PRKG2: variants seen among roughly 807,000 people sequenced by gnomAD.
PRKG2 encodes the protein cGMP-dependent protein kinase 2.
PRKG2 carries 33 observed loss-of-function variants against 97.2 expected under a neutral mutation model. That is an observed-to-expected ratio of 0.34 (90% confidence interval 0.26 to 0.45). The LOEUF is 0.45. Among genes scored for constraint, PRKG2 ranks in the 20% least tolerant of loss-of-function variants. PRKG2 has a pLI of 1.00. For synonymous variants in PRKG2, 330 were observed against 321.8 expected (o/e 1.03, Z -0.27); for missense variants, 638 against 900.0 (o/e 0.71, Z 3.73).
At chr4:81,195,137 A>G (rs963619318) in intron 2 of PRKG2, among the ~76,000 whole-genome samples, 1 of 152,214 alleles carries the variant, frequency 6.6e-6, no homozygotes, top group South Asian at 2.1e-4. Context: ...CACTAGGAAC[A>G]TGCTCTACTG....
At chr4:81,213,539 C>T (rs1318750670) in intron 1 of PRKG2, among the ~76,000 whole-genome samples, 1 of 152,112 alleles carries the variant, frequency 6.6e-6, no homozygotes, top group East Asian at 1.9e-4. Flanking sequence ...GATAGACACT[C>T]AACTACAAGG....
chr4:81,200,982 C>T (rs1420328266), intron 2 of PRKG2, among the ~76,000 whole-genome samples: 2 of 152,200 alleles, frequency 1.3e-5, no homozygotes, highest in African/African-American at 2.4e-5. Flanking sequence ...GTGCAGCTGA[C>T]GAGTGACTCC....
chr4:81,134,487 C>T (rs1205773583), intron 14 of PRKG2, among the ~76,000 whole-genome samples: 1 of 152,122 alleles, frequency 6.6e-6, no homozygotes, highest in Non-Finnish European at 1.5e-5. Flanking sequence ...CTTCCCGAGG[C>T]CCAAGGCGCC....
chr4:81,186,421 C>A (rs975280055), intron 2 of PRKG2, among the ~76,000 whole-genome samples: 1 of 152,018 alleles, frequency 6.6e-6, no homozygotes, highest in Non-Finnish European at 1.5e-5. Flanking sequence ...TCTTTGAAAC[C>A]AATGAGAACA....
At chr4:81,102,392 G>T (rs1742892657) in intron 17 of PRKG2, among the ~76,000 whole-genome samples, 1 of 152,190 alleles carries the variant, frequency 6.6e-6, no homozygotes, top group Admixed American at 6.6e-5. Flanking sequence ...GAGAAAGGAA[G>T]AATGTATATT....
intron 14 of PRKG2, among the ~76,000 whole-genome samples, chr4:81,129,703 C>T (rs1447470374): frequency 6.6e-6 from 1 of 152,078 alleles, no homozygotes; most frequent in Non-Finnish European, 1.5e-5. Context: ...TTCCTCCATC[C>T]CTGCATTTTG....
At chr4:81,217,138 T>C (rs1393744338), upstream of PRKG2, among the ~76,000 whole-genome samples, 1 of 150,734 alleles carries the variant, frequency 6.6e-6, no homozygotes, top group Admixed American at 6.6e-5. Flanking sequence ...ATTTTGCTAT[T>C]GTGAATAATG....
intron 6 of PRKG2, chr4:81,165,148 A>T (rs1010312370): frequency 1.3e-5 from 2 of 152,194 alleles, no homozygotes; most frequent in African/African-American, 4.8e-5. Context: ...TCAGAACACA[A>T]GAAGAGGCTT....
chr4:81,169,415 A>T (rs1000795422), intron 5 of PRKG2, among the ~76,000 whole-genome samples: 3 of 152,078 alleles, frequency 2.0e-5, no homozygotes, highest in African/African-American at 7.2e-5. Context: ...TATGCTGTGC[A>T]CTATCACTCT....
chr4:81,132,019 T>A (rs531924011), intron 14 of PRKG2, among the ~76,000 whole-genome samples: 124 of 152,226 alleles, frequency 8.1e-4, no homozygotes, highest in African/African-American at 2.8e-3. Context: ...TCTTAGAGAG[T>A]AGCTTATCAA....
At chr4:81,101,242 T>C (rs1346834803) in intron 17 of PRKG2, among the ~76,000 whole-genome samples, 1 of 152,140 alleles carries the variant, frequency 6.6e-6, no homozygotes, top group Non-Finnish European at 1.5e-5. Flanking sequence ...TTATAAATCA[T>C]GCTGCTATAA....
upstream of PRKG2, among the ~76,000 whole-genome samples, chr4:81,216,283 G>A (rs1391897648): frequency 6.6e-6 from 1 of 151,822 alleles, no homozygotes; most frequent in Non-Finnish European, 1.5e-5. Context: ...GTTTGTTTTT[G>A]TGCTAACTGG....
At chr4:81,205,094 G>C in intron 1 of PRKG2, 34 bp from the exon 2 acceptor site, 1 of 1,375,904 alleles carries the variant, frequency 7.3e-7, no homozygotes. Context: ...GTATCAAGTG[G>C]AGTTTCACTT....
chr4:81,176,821 G>A (rs1264877111), intron 2 of PRKG2, among the ~76,000 whole-genome samples: 1 of 149,644 alleles, frequency 6.7e-6, no homozygotes, highest in Non-Finnish European at 1.5e-5. Flanking sequence ...ATTTCTTTTT[G>A]GTTTAACTTC....
At chr4:81,191,739 C>A (rs1429179636) in intron 2 of PRKG2, among the ~76,000 whole-genome samples, 1 of 151,948 alleles carries the variant, frequency 6.6e-6, no homozygotes, top group Non-Finnish European at 1.5e-5. Context: ...TCGAAAAGGG[C>A]TCACCATTGT....
intron 14 of PRKG2, among the ~76,000 whole-genome samples, chr4:81,130,662 C>T (rs183666748): frequency 1.2e-3 from 182 of 152,298 alleles, no homozygotes; most frequent in African/African-American, 4.2e-3. Context: ...AGTGGGACTG[C>T]TGCCTTTCTT....
At chr4:81,195,856 C>T (rs1207001802) in intron 2 of PRKG2, among the ~76,000 whole-genome samples, 2 of 152,176 alleles carry the variant, frequency 1.3e-5, no homozygotes, top group African/African-American at 4.8e-5. Context: ...TTATGCATGG[C>T]TTTACCTACC....
chr4:81,093,853 T>C (rs1442542630), intron 17 of PRKG2, among the ~76,000 whole-genome samples: 1 of 152,174 alleles, frequency 6.6e-6, no homozygotes, highest in Non-Finnish European at 1.5e-5. Flanking sequence ...CAATCTACTC[T>C]GTCTCTCAGG....
In PRKG2 at chr4:81,167,237, A is replaced by C. The variant is rs760599443; in HGVS notation, c.849-13T>G. Reference sequence around the variant, plus strand: ...CAGCAAGGATACACTTCAAAATTAAAAAGAAACCTTCAATTACCTTCCTGA... The same window carrying C: ...CAGCAAGGATACACTTCAAAATTAACAAGAAACCTTCAATTACCTTCCTGA... On this transcript the variant is annotated splice_polypyrimidine_tract_variant and intron_variant, in intron 5 of 18. Coordinates refer to ENST00000264399, the MANE Select transcript of PRKG2 (RefSeq NM_006259.3). The C allele has an allele frequency of 1.9e-6, 3 of 1,540,832 alleles. No homozygotes were observed. The highest frequency in any genetic ancestry group is 1.2e-5 in the South Asian group (1 of 83,756).
Sources: gnomAD v4.1 joint callset for allele counts (sites outside exome capture counted in the v4.1 genomes callset) on GRCh38, gnomAD v4.1.1 for gene constraint, MANE v1.5 for transcripts, NCBI Gene and HGNC (gene_info 2026-07-23, HGNC 2026-07-21) for gene names.